The following UNC13C variants were observed in gnomAD, a reference collection of about 807,000 sequenced individuals.
The protein encoded by UNC13C is protein unc-13 homolog C.
In UNC13C, 174 loss-of-function variants were observed where a neutral mutation model predicts 245.4. The observed-to-expected ratio is 0.71, with a 90% confidence interval of 0.63 to 0.80. The LOEUF (loss-of-function observed/expected upper bound fraction) is 0.80. Ranked by LOEUF, UNC13C falls within the 30% of genes least tolerant of loss-of-function variation. UNC13C has a pLI of 0.00. For synonymous variants in UNC13C, 992 were observed against 895.1 expected (o/e 1.11, Z -1.93); for missense variants, 2,829 against 2,602.9 (o/e 1.09, Z -1.89).
intron 30 of UNC13C, among the ~76,000 whole-genome samples, chr15:54,570,911 G>C (rs1897725831): frequency 6.6e-6 from 1 of 152,118 alleles, no homozygotes; most frequent in African/African-American, 2.4e-5. Flanking sequence ...GAGAAATATA[G>C]AAAAGTTTAA....
At chr15:54,348,086 A>G (rs1193664725) in intron 17 of UNC13C, among the ~76,000 whole-genome samples, 4 of 152,220 alleles carry the variant, frequency 2.6e-5, no homozygotes, top group Admixed American at 6.5e-5. Flanking sequence ...TTTGAGAGCT[A>G]TCTATGCTGA....
At chr15:53,934,992 G>C in the UNC13C span, among the ~76,000 whole-genome samples, 1 of 152,120 alleles carries the variant, frequency 6.6e-6, no homozygotes, top group Non-Finnish European at 1.5e-5. Context: ...TTCCCTAGCA[G>C]TATATATTCT....
chr15:54,274,480 C>T (rs985354329), intron 10 of UNC13C, among the ~76,000 whole-genome samples: 32 of 151,950 alleles, frequency 2.1e-4, no homozygotes, highest in East Asian at 1.9e-4. Context: ...AATGAGAAAC[C>T]TTTGGGAGAC....
intron 17 of UNC13C, 25 bp from the exon 18 acceptor site, chr15:54,393,023 G>GCTCA (rs1169499669): frequency 6.5e-7 from 1 of 1,544,642 alleles, no homozygotes; most frequent in Non-Finnish European, 8.7e-7. Flanking sequence ...CTTTTCTTTT[G>GCTCA]CATGTTGCGT....
At chr15:54,590,554 A>T (rs1356653507) in intron 30 of UNC13C, among the ~76,000 whole-genome samples, 1 of 152,106 alleles carries the variant, frequency 6.6e-6, no homozygotes, top group African/African-American at 2.4e-5. Flanking sequence ...GTTTGCAGCA[A>T]TTGTAAAAGG....
At chr15:54,321,820 A>C in intron 13 of UNC13C, 119 bp from the exon 14 acceptor site, 5 of 920,184 alleles carry the variant, frequency 5.4e-6, no homozygotes, top group Non-Finnish European at 8.0e-6. Flanking sequence ...GAGATTGTGC[A>C]GTTTTCTCTC....
chr15:54,172,132 G>C (rs1567066410), intron 4 of UNC13C, among the ~76,000 whole-genome samples: 1 of 151,978 alleles, frequency 6.6e-6, no homozygotes, highest in African/African-American at 2.4e-5. Flanking sequence ...GGGGGAGTGG[G>C]AATGGTTAAT....
intron 2 of UNC13C, among the ~76,000 whole-genome samples, chr15:54,017,781 A>G (rs1344694004): frequency 1.3e-5 from 2 of 152,186 alleles, no homozygotes. Flanking sequence ...TTGGTTATCT[A>G]TAGCCACCTG....
rs184637997 is a variant in UNC13C, at chr15:54,546,693, G to A, written c.5697-29G>A. On this transcript the variant is annotated intron_variant, in intron 26 of 32. Coordinates refer to ENST00000260323, the MANE Select transcript of UNC13C (RefSeq NM_001080534.3). ...TGATACCTTGATCTGAAATTTAAAA[G>A]TGAATATATATATATATTTTTTTTT... The A allele has an allele frequency of 3.8e-6, 5 of 1,332,276 alleles. No individual in the cohort carries two copies. The East Asian group carries it at 1.1e-4, about 29-fold the overall frequency. The allele number at this position is 1,332,276 out of a possible 1,614,324, so 82.5% of individuals were successfully genotyped here. A position where few individuals can be genotyped will look rare whatever the true frequency, so the allele number is the denominator to read the frequency against.
At chr15:54,337,598 G>A (rs1179155955) in intron 16 of UNC13C, among the ~76,000 whole-genome samples, 3 of 152,126 alleles carry the variant, frequency 2.0e-5, no homozygotes, top group Non-Finnish European at 4.4e-5. Flanking sequence ...ACCAGAATAT[G>A]ATTTCTTCTA....
chr15:54,120,462 T>C (rs7179928), intron 2 of UNC13C, among the ~76,000 whole-genome samples: 88,380 of 151,938 alleles, frequency 0.58, 26,057 homozygotes, highest in African/African-American at 0.66. Flanking sequence ...ATTTACAATG[T>C]ACTTGGTCAC....
intron 2 of UNC13C, among the ~76,000 whole-genome samples, chr15:54,074,120 A>G (rs1243758026): frequency 2.2e-5 from 2 of 91,030 alleles, no homozygotes; most frequent in Admixed American, 1.4e-4. Context: ...TCCCAACACC[A>G]TTTATTGAAA....
At chr15:54,140,003 G>C (rs2031936992) in intron 2 of UNC13C, among the ~76,000 whole-genome samples, 1 of 151,908 alleles carries the variant, frequency 6.6e-6, no homozygotes, top group African/African-American at 2.4e-5. Context: ...GAGTATAAGG[G>C]TTTCTTAATT....
intron 4 of UNC13C, among the ~76,000 whole-genome samples, chr15:54,180,029 C>T (rs1398834741): frequency 6.6e-6 from 1 of 151,920 alleles, no homozygotes; most frequent in Non-Finnish European, 1.5e-5. Context: ...CTTTATTTTA[C>T]TTTCAGGGGG....
chr15:54,167,557 G>T (rs1200579478), intron 4 of UNC13C, among the ~76,000 whole-genome samples: 1 of 139,918 alleles, frequency 7.1e-6, no homozygotes, highest in African/African-American at 2.6e-5. Flanking sequence ...TGAACAGATG[G>T]TGCTAGAATG....
In UNC13C at chr15:54,382,424, G is replaced by A. The variant is rs146942938; in HGVS notation, c.4714-10624G>A. Among the ~76,000 whole-genome samples, 671 of 151,856 alleles carry A rather than the reference G, an allele frequency of 4.4e-3. 5 individuals carry two copies. Among genetic ancestry groups the A allele is most frequent in the Middle Eastern group, 0.014 (4 of 292 alleles). On this transcript the variant is annotated intron_variant, in intron 17 of 32. Coordinates refer to ENST00000260323, the MANE Select transcript of UNC13C (RefSeq NM_001080534.3). ...GGCAACATGGCAAAACTCCATCTCC[G>A]CAAAACGTACAAAAATTATCCTAGT...
intron 4 of UNC13C, among the ~76,000 whole-genome samples, chr15:54,186,998 G>A (rs760086729): frequency 6.6e-6 from 1 of 151,782 alleles, no homozygotes; most frequent in Admixed American, 6.6e-5. Flanking sequence ...ACTGGCACAT[G>A]TCACCATGCC....
intron 30 of UNC13C, among the ~76,000 whole-genome samples, chr15:54,601,889 C>G (rs1268974945): frequency 2.0e-5 from 3 of 152,128 alleles, no homozygotes; most frequent in Non-Finnish European, 4.4e-5. Flanking sequence ...AGAGCATGGC[C>G]TGGTCTCTGC....
intron 4 of UNC13C, among the ~76,000 whole-genome samples, chr15:54,188,756 G>A (rs182087276): frequency 8.5e-5 from 13 of 152,210 alleles, no homozygotes; most frequent in Admixed American, 2.6e-4. Flanking sequence ...GGATAGGTAC[G>A]TATCATGATC....
Sources: gnomAD v4.1 joint callset for allele counts (sites outside exome capture counted in the v4.1 genomes callset) on GRCh38, gnomAD v4.1.1 for gene constraint, MANE v1.5 for transcripts, NCBI Gene and HGNC (gene_info 2026-07-23, HGNC 2026-07-21) for gene names.